Variants in RANBP17 observed in about 807,000 individuals in gnomAD.
RANBP17 encodes ran-binding protein 17.
RANBP17 carries 158 observed loss-of-function variants against 141.2 expected under a neutral mutation model. The observed-to-expected ratio is 1.12, with a 90% confidence interval of 0.98 to 1.28. The LOEUF is 1.28. Among genes scored for constraint, RANBP17 ranks in the 50% most tolerant of loss-of-function variants. The pLI, the probability that RANBP17 is intolerant of heterozygous loss-of-function variation, is 0.00. For synonymous variants in RANBP17, 430 were observed against 450.0 expected (o/e 0.96, Z 0.56); for missense variants, 1,438 against 1,290.7 (o/e 1.11, Z -1.75).
chr5:171,145,028 G>A (rs1273599833), intron 14 of RANBP17, among the ~76,000 whole-genome samples: 2 of 152,140 alleles, frequency 1.3e-5, no homozygotes, highest in Non-Finnish European at 2.9e-5. Flanking sequence ...TAAATTATTT[G>A]TGTGATGCTT....
In RANBP17 at chr5:171,105,189, C is replaced by A. The variant is rs940355709; in HGVS notation, c.1711-64941C>A. 2.7e-5 allele frequency among the ~76,000 whole-genome samples: 4 copies of A among 150,596 alleles called. No homozygotes were observed. The East Asian group carries it at 7.8e-4, about 29-fold the overall frequency. ...CGAGGTCAGGAGATCGAGACCATCC[C>A]GGCTAAAACGGTGAAACCCCGTCTC... On this transcript the variant is annotated intron_variant, in intron 14 of 27. Transcript: ENST00000523189.
intron 14 of RANBP17, among the ~76,000 whole-genome samples, chr5:171,045,036 T>G (rs1346517709): frequency 6.6e-6 from 1 of 152,070 alleles, no homozygotes; most frequent in Non-Finnish European, 1.5e-5. Context: ...AATGATTCCT[T>G]TAATTATTTT....
intron 16 of RANBP17, among the ~76,000 whole-genome samples, chr5:171,172,918 A>G (rs1411196211): frequency 1.3e-5 from 2 of 151,824 alleles, no homozygotes; most frequent in Admixed American, 6.6e-5. Flanking sequence ...TACTTCTCAA[A>G]GTGAATTAAA....
intron 14 of RANBP17, among the ~76,000 whole-genome samples, chr5:171,142,048 C>T (rs780409792): frequency 6.6e-6 from 1 of 152,130 alleles, no homozygotes; most frequent in Non-Finnish European, 1.5e-5. Flanking sequence ...ATACAGATTG[C>T]TTGAAATATA....
At position 171,277,637 on chromosome 5, in the gene RANBP17, GTATATATATA is replaced by G. The variant is rs70982330; in HGVS notation, c.2943+11812_2943+11821del. 3.6e-3 allele frequency among the ~76,000 whole-genome samples: 203 copies of G among 56,920 alleles called. 17 individuals are homozygous for G. Among genetic ancestry groups the G allele is most frequent in the African/African-American group, 9.5e-3 (164 of 17,222 alleles). 37.3% of individuals were successfully genotyped at this position (56,920 alleles called of 152,430 possible). A position where few individuals can be genotyped will look rare whatever the true frequency, so the allele number is the denominator to read the frequency against. On this transcript the variant is annotated intron_variant, in intron 25 of 27. Transcript: ENST00000523189. ...GTGCCTTACGTATACATATATGTAT[GTATATATATA>G]TATATATATATATATATATATTTAT... is the stretch of plus-strand genomic sequence containing the variant.
intron 14 of RANBP17, among the ~76,000 whole-genome samples, chr5:171,083,818 C>A (rs1785421532): frequency 6.6e-6 from 1 of 152,048 alleles, no homozygotes; most frequent in Non-Finnish European, 1.5e-5. Context: ...GGGGAGTTTC[C>A]TTACATAAGC....
Position 171,053,925 on chromosome 5 carries a change from A to ATATATT in RANBP17, c.1710+85548_1710+85549insTATATT, listed in dbSNP as rs1491125081. Among the ~76,000 whole-genome samples, 192 of 32,402 alleles carry ATATATT rather than the reference A, an allele frequency of 5.9e-3. 28 individuals carry two copies. Among genetic ancestry groups the ATATATT allele is most frequent in the Middle Eastern group, 0.053 (2 of 38 alleles). 21.3% of individuals were successfully genotyped at this position (32,402 alleles called of 152,430 possible). ...TATATATATATATATATATATATAT[A>ATATATT]ATTGCTGTATTTGATGCATATATGC... is the stretch of plus-strand genomic sequence containing the variant. On this transcript the variant is annotated intron_variant, in intron 14 of 27. Transcript: ENST00000523189.
At chr5:171,050,711 G>T (rs555931204) in intron 14 of RANBP17, among the ~76,000 whole-genome samples, 17 of 151,960 alleles carry the variant, frequency 1.1e-4, no homozygotes, top group Admixed American at 8.5e-4. Flanking sequence ...TAAGAAGAAA[G>T]TAATATTGTT....
chr5:170,974,434 G>A lies in RANBP17; in HGVS notation c.1710+6057G>A, dbSNP rs574872362. ...TGTCCTACTTTCTGAACACACTGGG[G>A]TAGGGATTAGGCTCCCAAGGCTCTA... On this transcript the variant is annotated intron_variant, in intron 14 of 27. Coordinates refer to ENST00000523189, the MANE Select transcript of RANBP17 (RefSeq NM_022897.5). Among the ~76,000 whole-genome samples, 18 of 152,256 alleles carry A rather than the reference G, an allele frequency of 1.2e-4. No homozygotes were observed. In the South Asian group the frequency reaches 3.3e-3, roughly 28 times the overall value.
At chr5:170,999,459 C>T (rs1010038514) in intron 14 of RANBP17, among the ~76,000 whole-genome samples, 3 of 152,008 alleles carry the variant, frequency 2.0e-5, no homozygotes, top group African/African-American at 7.2e-5. Context: ...TGTCTAGAGC[C>T]AATATCTTTG....
At chr5:171,269,520 G>A (rs928803093) in intron 25 of RANBP17, among the ~76,000 whole-genome samples, 1 of 152,142 alleles carries the variant, frequency 6.6e-6, no homozygotes, top group African/African-American at 2.4e-5. Context: ...CCAGTTGGGG[G>A]TTATTATTAG....
intron 14 of RANBP17, among the ~76,000 whole-genome samples, chr5:171,015,129 G>A (rs1780342568): frequency 6.6e-6 from 1 of 151,964 alleles, no homozygotes; most frequent in Non-Finnish European, 1.5e-5. Context: ...ATTATTGTGT[G>A]CCTTGGTTGT....
At position 170,883,744 on chromosome 5, in the gene RANBP17, A is replaced by G. The variant is rs532069125; in HGVS notation, c.256+1848A>G. Among the ~76,000 whole-genome samples the G allele has an allele frequency of 8.5e-5, 13 of 152,232 alleles. No homozygotes were observed. The East Asian group carries it at 2.5e-3, about 29-fold the overall frequency. On this transcript the variant is annotated intron_variant, in intron 3 of 27. Transcript: ENST00000523189. ...ACATTGGCTTCTTTCACTTAGTAAT[A>G]TGCATTTAAGGTTCCTCCATGTTTT...
Position 171,127,927 on chromosome 5 carries a change from G to A in RANBP17, c.1711-42203G>A, listed in dbSNP as rs774108094. ...TGTAATCCCAGCACTTTGGGAGGCC[G>A]AGGCGGGCAGATCATGAGCAGGAGA... On this transcript the variant is annotated intron_variant, in intron 14 of 27. Transcript: ENST00000523189. Among the ~76,000 whole-genome samples, 9 of 152,272 alleles carry A rather than the reference G, an allele frequency of 5.9e-5. No homozygotes were observed. In the South Asian group the frequency reaches 1.2e-3, roughly 21 times the overall value.
At position 171,161,689 on chromosome 5, in the gene RANBP17, A is replaced by G. The variant is rs185661117; in HGVS notation, c.1711-8441A>G. On this transcript the variant is annotated intron_variant, in intron 14 of 27. Coordinates refer to ENST00000523189, the MANE Select transcript of RANBP17 (RefSeq NM_022897.5). ...ATAAGCAGTATTAGCTGCAAAGCCTATATTTAATGTGGTTGCATAGTACAA... is the reference window on the plus strand; with the variant it reads ...ATAAGCAGTATTAGCTGCAAAGCCTGTATTTAATGTGGTTGCATAGTACAA... Among the ~76,000 whole-genome samples, 287 of 152,354 alleles carry G rather than the reference A, an allele frequency of 1.9e-3. 2 individuals carry two copies. The highest frequency in any genetic ancestry group is 6.6e-3 in the African/African-American group (275 of 41,584).
At chr5:171,103,192 G>A (rs1787296059) in intron 14 of RANBP17, among the ~76,000 whole-genome samples, 1 of 152,168 alleles carries the variant, frequency 6.6e-6, no homozygotes, top group Non-Finnish European at 1.5e-5. Flanking sequence ...TGCTGAAGCT[G>A]CACCCACAGC....
chr5:170,907,528 C>T (rs1771161145), intron 5 of RANBP17, among the ~76,000 whole-genome samples: 3 of 151,912 alleles, frequency 2.0e-5, no homozygotes, highest in Non-Finnish European at 4.4e-5. Flanking sequence ...TTGCACAGGA[C>T]TTAGTGTGTA....
chr5:170,938,388 G>A (rs529644903), intron 12 of RANBP17, among the ~76,000 whole-genome samples: 14 of 152,254 alleles, frequency 9.2e-5, no homozygotes, highest in African/African-American at 3.4e-4. Context: ...AGTTAAACAA[G>A]TGTTCATAGT....
chr5:171,289,222 A>G (rs546514606), intron 25 of RANBP17, among the ~76,000 whole-genome samples: 12 of 152,252 alleles, frequency 7.9e-5, no homozygotes, highest in African/African-American at 2.6e-4. Flanking sequence ...TGCCATTGCA[A>G]TCATCACCCT....
Sources: gnomAD v4.1 joint callset for allele counts (sites outside exome capture counted in the v4.1 genomes callset) on GRCh38, gnomAD v4.1.1 for gene constraint, MANE v1.5 for transcripts, NCBI Gene and HGNC (gene_info 2026-07-23, HGNC 2026-07-21) for gene names.